Variants in INSL6 observed in about 807,000 individuals in gnomAD.
INSL6 encodes the protein insulin like 6.
Under a neutral mutation model 9.4 loss-of-function variants are expected in INSL6, and 16 were observed. That is an observed-to-expected ratio of 1.70 (90% CI 1.15 to 2.59). The LOEUF (loss-of-function observed/expected upper bound fraction) is 2.59. Ranked by LOEUF, INSL6 falls within the 30% of genes most tolerant of loss-of-function variation. The pLI, the probability that INSL6 is intolerant of heterozygous loss-of-function variation, is 0.00. For synonymous variants in INSL6, 154 were observed against 96.9 expected (o/e 1.59, Z -3.46); for missense variants, 391 against 257.3 (o/e 1.52, Z -3.56).
chr9:5,145,805 G>A lies in INSL6; in HGVS notation c.377-12213C>T, dbSNP rs116955882. On this transcript the variant is annotated intron_variant, in intron 2 of 3. Transcript: ENST00000649639. Reference sequence around the variant, plus strand: ...GTGTAGTTTTCAGCTCTATCAGGCCGGTTACATTCTTTTCTAGACTGGCTA... The same window carrying A: ...GTGTAGTTTTCAGCTCTATCAGGCCAGTTACATTCTTTTCTAGACTGGCTA... 3.0e-3 allele frequency among the ~76,000 whole-genome samples: 461 copies of A among 152,156 alleles called. 4 individuals are homozygous for A. Among genetic ancestry groups the A allele is most frequent in the African/African-American group, 9.8e-3 (408 of 41,510 alleles).
chr9:4,993,656 A>G, the INSL6 span, among the ~76,000 whole-genome samples: 14 of 152,336 alleles, frequency 9.2e-5, no homozygotes, highest in African/African-American at 3.1e-4. Flanking sequence ...CCTCACTGAC[A>G]GTCTCCTTGA....
chr9:5,079,383 T>C, the INSL6 span, among the ~76,000 whole-genome samples: 46 of 152,318 alleles, frequency 3.0e-4, no homozygotes, highest in Middle Eastern at 0.017. Flanking sequence ...CCACAGAAAC[T>C]TTACTTGAGA....
the INSL6 span, among the ~76,000 whole-genome samples, chr9:4,992,086 C>T: frequency 6.6e-6 from 1 of 152,154 alleles, no homozygotes; most frequent in East Asian, 1.9e-4. Flanking sequence ...GCTACTAGGA[C>T]ATGAGTTGGG....
At chr9:5,122,967 A>G (rs778028217), downstream of INSL6, 6 of 1,345,894 alleles carry the variant, frequency 4.5e-6, no homozygotes, top group African/African-American at 8.7e-5. Context: ...CCACATATCA[A>G]GTAACTGTCT....
At chr9:5,048,312 T>G in the INSL6 span, among the ~76,000 whole-genome samples, 1 of 152,170 alleles carries the variant, frequency 6.6e-6, no homozygotes, top group South Asian at 2.1e-4. Flanking sequence ...CGGCTAATTT[T>G]TTGTATTTTT....
intron 2 of INSL6, among the ~76,000 whole-genome samples, chr9:5,155,329 G>A (rs1734001483): frequency 7.3e-6 from 1 of 136,606 alleles, no homozygotes; most frequent in African/African-American, 2.7e-5. Context: ...CTGTTGCAGG[G>A]TTGGGGGAGG....
At chr9:5,091,833 G>A in the INSL6 span, among the ~76,000 whole-genome samples, 2 of 152,034 alleles carry the variant, frequency 1.3e-5, no homozygotes, top group Admixed American at 1.3e-4. Flanking sequence ...TCTATAATGG[G>A]TACTTTAAGG....
the INSL6 span, chr9:5,090,614 T>G: frequency 6.5e-7 from 1 of 1,547,930 alleles, no homozygotes. Context: ...AGCAACCGTG[T>G]TGAAGTAGAC....
downstream of INSL6, among the ~76,000 whole-genome samples, chr9:5,159,262 T>A (rs1459847261): frequency 1.3e-5 from 2 of 151,524 alleles, no homozygotes; most frequent in African/African-American, 4.8e-5. Context: ...AGAAAATATA[T>A]AACAAAATGG....
intron 2 of INSL6, among the ~76,000 whole-genome samples, chr9:5,139,990 A>G (rs941400236): frequency 9.2e-5 from 14 of 152,312 alleles, no homozygotes; most frequent in African/African-American, 3.1e-4. Context: ...ATCTTTAGAA[A>G]GCATTACAAA....
At chr9:5,037,150 C>T in the INSL6 span, among the ~76,000 whole-genome samples, 4 of 152,142 alleles carry the variant, frequency 2.6e-5, no homozygotes, top group Non-Finnish European at 5.9e-5. Context: ...ATCAAAACCA[C>T]AAAGAGATAC....
intron 2 of INSL6, among the ~76,000 whole-genome samples, chr9:5,134,290 T>C (rs189848540): frequency 2.0e-5 from 3 of 152,300 alleles, no homozygotes; most frequent in Non-Finnish European, 1.5e-5. Context: ...CCACGAGAAC[T>C]TCCCCAACCT....
chr9:5,150,450 A>G (rs1050248672), intron 2 of INSL6, among the ~76,000 whole-genome samples: 1 of 152,100 alleles, frequency 6.6e-6, no homozygotes, highest in African/African-American at 2.4e-5. Context: ...AACATTTTTA[A>G]TGGTCAATAC....
chr9:5,103,538 C>G, the INSL6 span, among the ~76,000 whole-genome samples: 2 of 152,162 alleles, frequency 1.3e-5, no homozygotes, highest in Admixed American at 1.3e-4. Flanking sequence ...CAAGGATATC[C>G]AGGACATGAA....
At chr9:5,183,726 C>G (rs1825507538) in intron 1 of INSL6, among the ~76,000 whole-genome samples, 1 of 151,886 alleles carries the variant, frequency 6.6e-6, no homozygotes, top group Non-Finnish European at 1.5e-5. Context: ...AAAGGGAAGG[C>G]TCTCCTTGCA....
chr9:5,162,700 T>C (rs1327111538), downstream of INSL6, among the ~76,000 whole-genome samples: 1 of 152,204 alleles, frequency 6.6e-6, no homozygotes, highest in Non-Finnish European at 1.5e-5. Flanking sequence ...ACCCTGAAAC[T>C]GATTAAAAAC....
the INSL6 span, among the ~76,000 whole-genome samples, chr9:5,087,085 A>G: frequency 1.3e-5 from 2 of 152,218 alleles, no homozygotes; most frequent in Admixed American, 6.5e-5. Flanking sequence ...ATTGGTTTCC[A>G]ACATTGGTTA....
chr9:5,030,289 A>G, the INSL6 span, among the ~76,000 whole-genome samples: 1 of 152,212 alleles, frequency 6.6e-6, no homozygotes, highest in Admixed American at 6.5e-5. Flanking sequence ...CTTTTTAAAA[A>G]GTTGACGTGA....
At chr9:5,167,806 A>C (rs1286390842) in intron 1 of INSL6, among the ~76,000 whole-genome samples, 2 of 152,188 alleles carry the variant, frequency 1.3e-5, no homozygotes, top group East Asian at 3.9e-4. Context: ...GAGACCTCCC[A>C]ACAGGAGTGT....
Sources: allele counts gnomAD v4.1 joint callset (sites outside exome capture counted in the v4.1 genomes callset), GRCh38; gene constraint gnomAD v4.1.1; transcripts MANE v1.5; gene names NCBI Gene and HGNC (gene_info 2026-07-23, HGNC 2026-07-21).